The following EDIL3 variants were observed in gnomAD, a reference collection of about 807,000 sequenced individuals.
EDIL3 encodes the protein EGF-like repeat and discoidin I-like domain-containing protein 3.
A neutral mutation model predicts 67.4 loss-of-function variants in EDIL3; 37 were observed. The ratio of observed to expected loss-of-function variants is 0.55; its 90% CI spans 0.42 to 0.72. The LOEUF (loss-of-function observed/expected upper bound fraction) is 0.72. Ranked by LOEUF, EDIL3 falls within the 30% of genes least tolerant of loss-of-function variation. The pLI, the probability that EDIL3 is intolerant of heterozygous loss-of-function variation, is 0.00. For missense variants in EDIL3, 527 were observed against 586.3 expected (o/e 0.90, Z 1.04); for synonymous variants, 195 against 196.3 (o/e 0.99, Z 0.05).
chr5:84,268,181 C>T (rs1268294908), intron 1 of EDIL3, among the ~76,000 whole-genome samples: 1 of 151,000 alleles, frequency 6.6e-6, no homozygotes, highest in Non-Finnish European at 1.5e-5. Flanking sequence ...AATAATTTGG[C>T]CAAAAAGAGT....
chr5:84,207,136 T>C (rs1164983293), intron 3 of EDIL3, among the ~76,000 whole-genome samples: 1 of 152,156 alleles, frequency 6.6e-6, no homozygotes, highest in Non-Finnish European at 1.5e-5. Context: ...TGATTGTATA[T>C]CCAGAAAACC....
intron 6 of EDIL3, among the ~76,000 whole-genome samples, chr5:84,074,276 A>T (rs1205745400): frequency 3.3e-5 from 5 of 149,780 alleles, no homozygotes; most frequent in Non-Finnish European, 7.4e-5. Flanking sequence ...ACCATTCAGG[A>T]CATAGGCATG....
intron 1 of EDIL3, among the ~76,000 whole-genome samples, chr5:84,261,062 T>G (rs554463606): frequency 6.6e-6 from 1 of 152,356 alleles, no homozygotes; most frequent in African/African-American, 2.4e-5. Context: ...AACTGTACTA[T>G]CATTTCACTT....
chr5:83,992,852 C>A (rs1267705100), intron 9 of EDIL3, among the ~76,000 whole-genome samples: 1 of 151,578 alleles, frequency 6.6e-6, no homozygotes, highest in Non-Finnish European at 1.5e-5. Context: ...TTTATATACT[C>A]TATTTAAAAA....
intron 9 of EDIL3, among the ~76,000 whole-genome samples, chr5:83,978,864 A>T (rs1166962231): frequency 6.6e-6 from 1 of 152,120 alleles, no homozygotes; most frequent in Non-Finnish European, 1.5e-5. Flanking sequence ...TGAAACTTCA[A>T]GTATTTCAGG....
At chr5:84,205,117 T>C (rs905406133) in intron 3 of EDIL3, among the ~76,000 whole-genome samples, 1 of 151,562 alleles carries the variant, frequency 6.6e-6, no homozygotes, top group East Asian at 1.9e-4. Flanking sequence ...GGTCTCACCT[T>C]GTTGCCCAGG....
intron 5 of EDIL3, among the ~76,000 whole-genome samples, chr5:84,132,521 ATATATAT>A (rs1457632554): frequency 9.8e-5 from 2 of 20,492 alleles, no homozygotes; most frequent in African/African-American, 3.2e-4. Context: ...ATATATTTTA[ATATATAT>A]TATATATTTT....
intron 1 of EDIL3, among the ~76,000 whole-genome samples, chr5:84,304,802 C>G (rs956971705): frequency 1.3e-5 from 2 of 152,058 alleles, no homozygotes; most frequent in Admixed American, 6.5e-5. Context: ...TGGATGCAAG[C>G]CAGGAAATCT....
rs1011664785 is a variant in EDIL3 at position 84,327,747 on chromosome 5, C to A, written c.67+56561G>T. Among the ~76,000 whole-genome samples the A allele has an allele frequency of 4.6e-5, 7 of 151,954 alleles. No homozygotes were observed. The South Asian group carries it at 1.4e-3, about 31-fold the overall frequency. ...ATTAAAGTTTACGTTTGGAGCCATA[C>A]AAGTTAGTGTGAATGAGCGCCCCAA... On this transcript the variant is annotated intron_variant, in intron 1 of 10. Transcript: ENST00000296591.
intron 1 of EDIL3, among the ~76,000 whole-genome samples, chr5:84,367,559 A>G (rs1747764640): frequency 6.6e-6 from 1 of 152,306 alleles, no homozygotes; most frequent in Non-Finnish European, 1.5e-5. Flanking sequence ...AGGCAGGAGG[A>G]TCACTTATGG....
At chr5:84,252,120 G>T (rs897059857) in intron 2 of EDIL3, among the ~76,000 whole-genome samples, 4 of 152,116 alleles carry the variant, frequency 2.6e-5, no homozygotes, top group African/African-American at 9.7e-5. Context: ...GCTGCCCATA[G>T]TATCAGTCTT....
intron 9 of EDIL3, among the ~76,000 whole-genome samples, chr5:83,974,489 AT>A (rs973104792): frequency 2.0e-5 from 3 of 151,888 alleles, no homozygotes; most frequent in African/African-American, 7.2e-5. Flanking sequence ...TAAAAAAAAA[AT>A]TTTTTTGTTC....
chr5:84,150,260 G>A (rs1748366147), intron 4 of EDIL3, among the ~76,000 whole-genome samples: 1 of 152,130 alleles, frequency 6.6e-6, no homozygotes, highest in Admixed American at 6.5e-5. Context: ...AAAATAGATT[G>A]TAGATTACAA....
chr5:83,968,406 T>A (rs1580257353), intron 9 of EDIL3, among the ~76,000 whole-genome samples: 1 of 152,106 alleles, frequency 6.6e-6, no homozygotes, highest in East Asian at 1.9e-4. Flanking sequence ...ACATAGCAAT[T>A]GCTTTTTTCA....
intron 6 of EDIL3, among the ~76,000 whole-genome samples, chr5:84,070,727 G>A (rs1746726522): frequency 6.6e-6 from 1 of 151,628 alleles, no homozygotes; most frequent in South Asian, 2.1e-4. Flanking sequence ...ATGGGCTACT[G>A]GTCCTCTCTA....
chr5:84,292,974 C>G (rs935258328), intron 1 of EDIL3, among the ~76,000 whole-genome samples: 24 of 152,302 alleles, frequency 1.6e-4, no homozygotes, highest in Admixed American at 5.9e-4. Context: ...TCTTCCCAGA[C>G]GTTGCCTAAA....
intron 6 of EDIL3, among the ~76,000 whole-genome samples, chr5:84,105,729 A>T (rs1050211809): frequency 3.0e-5 from 3 of 98,604 alleles, no homozygotes; most frequent in African/African-American, 1.2e-4. Flanking sequence ...AGCAACCTTT[A>T]CTCTAGTCAT....
At chr5:84,334,046 A>G (rs1746933106) in intron 1 of EDIL3, among the ~76,000 whole-genome samples, 1 of 150,938 alleles carries the variant, frequency 6.6e-6, no homozygotes, top group African/African-American at 2.4e-5. Context: ...GCCCTTACAC[A>G]GGGGCCATGT....
At chr5:84,369,142 C>G (rs1167417590) in intron 1 of EDIL3, among the ~76,000 whole-genome samples, 3 of 151,398 alleles carry the variant, frequency 2.0e-5, no homozygotes, top group African/African-American at 4.9e-5. Flanking sequence ...AAAACAGACT[C>G]TGAAAGGGAT....
Sources: gnomAD v4.1 joint callset for allele counts (sites outside exome capture counted in the v4.1 genomes callset) on GRCh38, gnomAD v4.1.1 for gene constraint, MANE v1.5 for transcripts, NCBI Gene and HGNC (gene_info 2026-07-23, HGNC 2026-07-21) for gene names.